FRMD5: variants seen among roughly 807,000 people sequenced by gnomAD.
FRMD5 encodes the protein FERM domain-containing protein 5.
Under a neutral mutation model 69.0 loss-of-function variants are expected in FRMD5, and 20 were observed. The ratio of observed to expected loss-of-function variants is 0.29; its 90% confidence interval spans 0.20 to 0.42. The LOEUF (loss-of-function observed/expected upper bound fraction) is 0.42, where lower values mean the gene tolerates loss of function less well. Ranked by LOEUF, FRMD5 falls within the 10% of genes least tolerant of loss-of-function variation. The pLI is 1.00. For missense variants in FRMD5, 595 were observed against 708.6 expected (o/e 0.84, Z 1.82); for synonymous variants, 271 against 260.1 (o/e 1.04, Z -0.40).
intron 1 of FRMD5, among the ~76,000 whole-genome samples, chr15:44,038,520 C>CTGTTTTTTTTT (rs1892026516): frequency 1.6e-5 from 1 of 63,200 alleles, no homozygotes; most frequent in Non-Finnish European, 2.8e-5. Context: ...CTAGCCAGAG[C>CTGTTTTTTTTT]TTTTTTTTTT....
chr15:43,990,806 T>C lies in FRMD5; in HGVS notation c.103-66497A>G, dbSNP rs145123414. ...ACTGTTTAAGGAACTTGATAGATTT[T>C]AGCCACTGAAAAGACAGTTGAAGTG... On this transcript the variant is annotated intron_variant, in intron 1 of 13. Transcript: ENST00000417257. 7.1e-3 allele frequency among the ~76,000 whole-genome samples: 1,079 copies of C among 152,336 alleles called. 15 individuals are homozygous for C. Among genetic ancestry groups the C allele is most frequent in the African/African-American group, 0.025 (1,026 of 41,570 alleles).
At chr15:44,170,516 T>A (rs2077783226) in intron 1 of FRMD5, among the ~76,000 whole-genome samples, 1 of 151,460 alleles carries the variant, frequency 6.6e-6, no homozygotes, top group Non-Finnish European at 1.5e-5. Context: ...GAGTGAGACT[T>A]CATATCCAAA....
chr15:44,069,233 G>T (rs2140407210), intron 1 of FRMD5, among the ~76,000 whole-genome samples: 1 of 152,292 alleles, frequency 6.6e-6, no homozygotes, highest in Non-Finnish European at 1.5e-5. Flanking sequence ...CAGTGGGAAT[G>T]TAAAATGGTA....
At chr15:44,093,392 G>A (rs922525644) in intron 1 of FRMD5, among the ~76,000 whole-genome samples, 2 of 151,846 alleles carry the variant, frequency 1.3e-5, no homozygotes, top group African/African-American at 4.8e-5. Context: ...AAAGGGAAGG[G>A]CATGAAGCAA....
rs191429234 is a variant in FRMD5 at position 44,132,275 on chromosome 15, G to A, written c.102+62678C>T. ...GCTCGTCCACCACTCACCTCTTGCC[G>A]TGTGGCCTGGTTCCTAACAGGCCAT... On this transcript the variant is annotated intron_variant, in intron 1 of 13. Coordinates refer to ENST00000417257, the MANE Select transcript of FRMD5 (RefSeq NM_032892.5). Among the ~76,000 whole-genome samples the A allele has an allele frequency of 1.8e-3, 273 of 152,302 alleles. 1 individual carries two copies. Among genetic ancestry groups the A allele is most frequent in the Non-Finnish European group, 3.3e-3 (226 of 68,026 alleles).
intron 1 of FRMD5, among the ~76,000 whole-genome samples, chr15:44,182,577 T>C (rs1052981293): frequency 1.3e-5 from 2 of 152,226 alleles, no homozygotes; most frequent in East Asian, 3.9e-4. Flanking sequence ...CCACCCACCT[T>C]GGCCTCCCAA....
At chr15:44,118,708 A>C (rs1217072028) in intron 1 of FRMD5, among the ~76,000 whole-genome samples, 1 of 152,206 alleles carries the variant, frequency 6.6e-6, no homozygotes, top group African/African-American at 2.4e-5. Context: ...CTCAGATTCA[A>C]CCAGATCCCC....
chr15:43,876,684 G>A (rs926283291), intron 13 of FRMD5, among the ~76,000 whole-genome samples: 3 of 152,174 alleles, frequency 2.0e-5, no homozygotes, highest in African/African-American at 7.2e-5. Context: ...TTCAGCCTCC[G>A]TTCTAGCTGT....
intron 1 of FRMD5, among the ~76,000 whole-genome samples, chr15:44,160,811 C>A (rs2077604947): frequency 6.6e-6 from 1 of 152,180 alleles, no homozygotes; most frequent in Admixed American, 6.5e-5. Context: ...GATTCCTTGT[C>A]TATAAAATTC....
At chr15:43,978,385 G>A (rs1309095702) in intron 1 of FRMD5, among the ~76,000 whole-genome samples, 1 of 152,174 alleles carries the variant, frequency 6.6e-6, no homozygotes, top group Non-Finnish European at 1.5e-5. Flanking sequence ...TACATTGCTG[G>A]TGAGAATGTA....
intron 5 of FRMD5, 38 bp from the exon 6 acceptor site, chr15:43,905,989 C>T (rs1412802364): frequency 6.2e-7 from 1 of 1,613,398 alleles, no homozygotes; most frequent in Non-Finnish European, 8.5e-7. Context: ...ATTGTGGAGA[C>T]AGGTAAATCA....
chr15:43,912,956 C>T (rs2089316249), intron 4 of FRMD5, among the ~76,000 whole-genome samples: 1 of 151,556 alleles, frequency 6.6e-6, no homozygotes, highest in South Asian at 2.1e-4. Context: ...TTGCTTGAAC[C>T]CAGGAGGCAG....
At chr15:44,063,478 C>A (rs1039154767) in intron 1 of FRMD5, 1 of 260,458 alleles carries the variant, frequency 3.8e-6, no homozygotes, top group Non-Finnish European at 7.7e-6. Context: ...ACAGCATCTT[C>A]TTGTGCAGGG....
intron 1 of FRMD5, among the ~76,000 whole-genome samples, chr15:43,956,721 T>C (rs561192430): frequency 6.6e-6 from 1 of 152,366 alleles, no homozygotes; most frequent in South Asian, 2.1e-4. Flanking sequence ...TCATTTTACT[T>C]GTTAAAGCTG....
At chr15:44,125,355 TC>T (rs2077011947) in intron 1 of FRMD5, among the ~76,000 whole-genome samples, 1 of 152,186 alleles carries the variant, frequency 6.6e-6, no homozygotes, top group Admixed American at 6.5e-5. Context: ...TATGGGTCTT[TC>T]ATTCTATCAG....
At chr15:43,893,142 A>G (rs2088834814) in intron 7 of FRMD5, among the ~76,000 whole-genome samples, 1 of 152,020 alleles carries the variant, frequency 6.6e-6, no homozygotes, top group Non-Finnish European at 1.5e-5. Flanking sequence ...AAAAAAAAAA[A>G]ACATTTTATG....
chr15:44,100,783 G>A (rs9302113), intron 1 of FRMD5, among the ~76,000 whole-genome samples: 1,541 of 152,178 alleles, frequency 0.01, 32 homozygotes, highest in African/African-American at 0.036. Context: ...AAAGAAACCC[G>A]GTTTTTCTGA....
intron 1 of FRMD5, among the ~76,000 whole-genome samples, chr15:44,001,937 T>C (rs1890232518): frequency 6.6e-6 from 1 of 152,022 alleles, no homozygotes. Flanking sequence ...GCTAGGCTGA[T>C]CTCAAACTCC....
At chr15:43,998,860 T>C (rs1566888981) in intron 1 of FRMD5, among the ~76,000 whole-genome samples, 1 of 152,174 alleles carries the variant, frequency 6.6e-6, no homozygotes, top group East Asian at 1.9e-4. Context: ...CAGGCCTATT[T>C]CTATCCAGCT....
Sources: allele counts gnomAD v4.1 joint callset (sites outside exome capture counted in the v4.1 genomes callset), GRCh38; gene constraint gnomAD v4.1.1; transcripts MANE v1.5; gene names NCBI Gene and HGNC (gene_info 2026-07-23, HGNC 2026-07-21).